MVB12B: variants seen among roughly 807,000 people sequenced by gnomAD.
The protein encoded by MVB12B is ESCRT-I complex subunit MVB12B.
A neutral mutation model predicts 41.6 loss-of-function variants in MVB12B; 16 were observed. The observed-to-expected ratio is 0.38, with a 90% CI of 0.26 to 0.58. The LOEUF is 0.58. Ranked by LOEUF, MVB12B falls within the 20% of genes least tolerant of loss-of-function variation. MVB12B has a pLI of 0.62. For missense variants in MVB12B, 274 were observed against 380.2 expected, an observed-to-expected ratio of 0.72 and a Z score of 2.32; for synonymous variants, 133 against 139.7, an observed-to-expected ratio of 0.95 and a Z score of 0.34.
At position 126,438,295 on chromosome 9, in the gene MVB12B, A is replaced by G. The variant is rs529215377; in HGVS notation, c.757+16347A>G. Among the ~76,000 whole-genome samples, 18 of 152,294 alleles carry G rather than the reference A, an allele frequency of 1.2e-4. No homozygotes were observed. In the South Asian group the frequency reaches 1.7e-3, roughly 14 times the overall value. On this transcript the variant is annotated intron_variant, in intron 7 of 9. Coordinates refer to ENST00000361171, the MANE Select transcript of MVB12B (RefSeq NM_033446.3). ...GGAAAAACCCAGATAATCTTATTCTATTAACAGAGGTGTCACTGGTTGACT... is the reference window on the plus strand; with the variant it reads ...GGAAAAACCCAGATAATCTTATTCTGTTAACAGAGGTGTCACTGGTTGACT...
At chr9:126,451,981 G>A (rs1832897151) in intron 7 of MVB12B, among the ~76,000 whole-genome samples, 1 of 152,196 alleles carries the variant, frequency 6.6e-6, no homozygotes, top group South Asian at 2.1e-4. Context: ...AAGTCCCACT[G>A]TTTCATTCCT....
chr9:126,405,259 G>A (rs752765053), intron 6 of MVB12B, among the ~76,000 whole-genome samples: 23 of 151,782 alleles, frequency 1.5e-4, no homozygotes, highest in South Asian at 4.2e-4. Flanking sequence ...TGTTGTTATC[G>A]TCCCGAGAAG....
At chr9:126,497,975 C>T (rs996696906) in intron 9 of MVB12B, among the ~76,000 whole-genome samples, 12 of 152,206 alleles carry the variant, frequency 7.9e-5, no homozygotes, top group African/African-American at 2.7e-4. Flanking sequence ...ACCCTCGTCT[C>T]GCAGAAGAGG....
At chr9:126,446,938 C>CTTTTTTTTTTTTTTTTT (rs33991689) in intron 7 of MVB12B, among the ~76,000 whole-genome samples, 2 of 104,324 alleles carry the variant, frequency 1.9e-5, no homozygotes, top group African/African-American at 3.9e-5. Flanking sequence ...TTTTAACTTT[C>CTTTTTTTTTTTTTTTTT]TTTTTTTTTT....
intron 7 of MVB12B, among the ~76,000 whole-genome samples, chr9:126,444,564 T>C (rs1040407746): frequency 2.6e-5 from 4 of 152,222 alleles, no homozygotes; most frequent in Non-Finnish European, 5.9e-5. Flanking sequence ...GGAGCTCCTC[T>C]TGCAACAAGG....
chr9:126,388,607 A>G (rs10819155), intron 4 of MVB12B, among the ~76,000 whole-genome samples: 48,717 of 152,054 alleles, frequency 0.32, 8,049 homozygotes, highest in South Asian at 0.42. Context: ...GAACTATCAA[A>G]TGATGTTTCA....
chr9:126,502,632 G>A (rs1214225063), intron 9 of MVB12B, among the ~76,000 whole-genome samples: 1 of 152,162 alleles, frequency 6.6e-6, no homozygotes, highest in African/African-American at 2.4e-5. Flanking sequence ...GCATGGGGAG[G>A]GTGTGGATGG....
intron 7 of MVB12B, among the ~76,000 whole-genome samples, chr9:126,448,990 T>C (rs768688188): frequency 2.6e-5 from 4 of 152,204 alleles, no homozygotes; most frequent in Admixed American, 2.6e-4. Flanking sequence ...ACCAGAGCGC[T>C]AGGCAGCGTG....
In MVB12B at chr9:126,482,474, G is replaced by A. The variant is rs1833542760; in HGVS notation, c.813+1050G>A. On this transcript the variant is annotated intron_variant, in intron 8 of 9. Coordinates refer to ENST00000361171, the MANE Select transcript of MVB12B (RefSeq NM_033446.3). ...GAAAAATGCTCGTGATGTGACATGCGGAGCTCCAGGAACTTCAGCCGACTC... is the reference window on the plus strand; with the variant it reads ...GAAAAATGCTCGTGATGTGACATGCAGAGCTCCAGGAACTTCAGCCGACTC... Among the ~76,000 whole-genome samples, 4 of 152,216 alleles carry A rather than the reference G, an allele frequency of 2.6e-5. No individual in the cohort carries two copies. In the South Asian group the frequency reaches 8.3e-4, roughly 31 times the overall value.
At chr9:126,448,559 C>T (rs1189492014) in intron 7 of MVB12B, 1 of 152,230 alleles carries the variant, frequency 6.6e-6, no homozygotes, top group East Asian at 1.9e-4. Flanking sequence ...TTAATTGACT[C>T]ACGGTTCTGC....
intron 2 of MVB12B, among the ~76,000 whole-genome samples, chr9:126,358,059 C>A (rs925422307): frequency 6.6e-6 from 1 of 151,806 alleles, no homozygotes; most frequent in South Asian, 2.1e-4. Flanking sequence ...GTTCTAGTAC[C>A]CTTTCTTTAA....
intron 9 of MVB12B, among the ~76,000 whole-genome samples, chr9:126,491,824 T>G (rs1833737984): frequency 1.3e-5 from 2 of 152,234 alleles, no homozygotes; most frequent in African/African-American, 4.8e-5. Flanking sequence ...AGTCTGAGGC[T>G]TCTTTTCAAA....
At chr9:126,494,267 A>G (rs1320076017) in intron 9 of MVB12B, among the ~76,000 whole-genome samples, 1 of 152,126 alleles carries the variant, frequency 6.6e-6, no homozygotes, top group Non-Finnish European at 1.5e-5. Context: ...TAGAGTTCCT[A>G]ATTCCAAGAG....
intron 1 of MVB12B, 175 bp downstream of exon 1, chr9:126,327,185 T>C: frequency 1.1e-6 from 1 of 940,552 alleles, no homozygotes; most frequent in East Asian, 1.2e-4. Context: ...CGGGCGGCCT[T>C]TGCAGAGCCC....
chr9:126,464,808 T>G (rs1189195564), intron 7 of MVB12B, among the ~76,000 whole-genome samples: 1 of 152,250 alleles, frequency 6.6e-6, no homozygotes, highest in Non-Finnish European at 1.5e-5. Context: ...AGCTCTGCCC[T>G]TGACCAGCTT....
intron 4 of MVB12B, among the ~76,000 whole-genome samples, chr9:126,387,476 CCA>C (rs1466854059): frequency 6.6e-6 from 1 of 152,164 alleles, no homozygotes; most frequent in Non-Finnish European, 1.5e-5. Context: ...ATAATTAGCC[CCA>C]CTTTGGTCCC....
intron 7 of MVB12B, among the ~76,000 whole-genome samples, chr9:126,425,771 C>G (rs1396345367): frequency 6.6e-6 from 1 of 152,194 alleles, no homozygotes; most frequent in Non-Finnish European, 1.5e-5. Context: ...ACCTCCCTGC[C>G]TTCCTTGCTC....
At position 126,484,026 on chromosome 9, in the gene MVB12B, A is replaced by G; in HGVS notation, c.867A>G (p.Glu289=). Reference sequence around the variant, plus strand: ...CCATCAAATCTCTAGCAGAAATCGAAAAAGAGGTAAGCAAGCCATCAGGGG... The same window carrying G: ...CCATCAAATCTCTAGCAGAAATCGAGAAAGAGGTAAGCAAGCCATCAGGGG... The part of the protein sequence containing the change: ...GITIKSLAEI[E]KEYEYSFRTE... Residue 289 remains glutamate, a synonymous_variant, in exon 9 of 10, where the codon GAA becomes GAG. Transcript: ENST00000361171. The G allele has an allele frequency of 1.2e-6, 2 of 1,614,040 alleles. No homozygotes were observed. The highest frequency in any genetic ancestry group is 2.2e-5 in the South Asian group (2 of 91,086).
At chr9:126,444,098 G>A (rs1832708746) in intron 7 of MVB12B, among the ~76,000 whole-genome samples, 1 of 152,174 alleles carries the variant, frequency 6.6e-6, no homozygotes, top group Non-Finnish European at 1.5e-5. Flanking sequence ...AGGTCAGGTG[G>A]TCGTCAGGCT....
Sources: allele counts gnomAD v4.1 joint callset (sites outside exome capture counted in the v4.1 genomes callset), GRCh38; gene constraint gnomAD v4.1.1; transcripts MANE v1.5; gene names NCBI Gene and HGNC (gene_info 2026-07-23, HGNC 2026-07-21).